The following PALS2 variants were observed in gnomAD, a reference collection of about 807,000 sequenced individuals.
The protein encoded by PALS2 is protein PALS2.
In PALS2, 27 loss-of-function variants were observed where a neutral mutation model predicts 61.6. The observed-to-expected ratio is 0.44, with a 90% confidence interval of 0.32 to 0.60. The LOEUF (loss-of-function observed/expected upper bound fraction) is 0.60. Ranked by LOEUF, PALS2 falls within the 20% of genes least tolerant of loss-of-function variation. PALS2 has a pLI of 0.05. For missense variants in PALS2, 554 were observed against 639.4 expected (o/e 0.87, Z 1.44); for synonymous variants, 236 against 218.6 (o/e 1.08, Z -0.70).
chr7:24,645,973 C>G (rs1785809931), intron 3 of PALS2, among the ~76,000 whole-genome samples: 1 of 152,028 alleles, frequency 6.6e-6, no homozygotes, highest in African/African-American at 2.4e-5. Flanking sequence ...ATTTTGTATC[C>G]TGCAAAATTT....
chr7:24,600,672 C>G (rs535698075), intron 1 of PALS2, among the ~76,000 whole-genome samples: 2 of 152,106 alleles, frequency 1.3e-5, no homozygotes, highest in South Asian at 4.2e-4. Flanking sequence ...AGCCATTTAA[C>G]TATTTTTTAT....
At chr7:24,629,745 C>G (rs1272014762) in intron 2 of PALS2, among the ~76,000 whole-genome samples, 2 of 152,178 alleles carry the variant, frequency 1.3e-5, no homozygotes, top group Non-Finnish European at 2.9e-5. Context: ...CATCACTGGT[C>G]ATTAGAGAAA....
chr7:24,649,567 A>T, intron 3 of PALS2, 45 bp from the exon 4 acceptor site: 2 of 1,464,478 alleles, frequency 1.4e-6, no homozygotes, highest in South Asian at 1.6e-5. Flanking sequence ...AACAAATTTC[A>T]TCCACATATC....
At position 24,573,740 on chromosome 7, in the gene PALS2, G is replaced by T; in HGVS notation, c.-3+147G>T. The T allele has an allele frequency of 6.7e-6, 1 of 148,464 alleles. No homozygotes were observed. The highest frequency in any genetic ancestry group is 1.9e-4 in the South Asian group (1 of 5,238). The allele number at this position is 148,464 out of a possible 1,614,324, so 9.2% of individuals were successfully genotyped here. A position where few individuals can be genotyped will look rare whatever the true frequency, so the allele number is the denominator to read the frequency against. ...TCGGCACCTGGGCTTCGGCGGGCGCGGGGAAGAGGGACCGGCAGGCGGCGG... is the reference window on the plus strand; with the variant it reads ...TCGGCACCTGGGCTTCGGCGGGCGCTGGGAAGAGGGACCGGCAGGCGGCGG... On this transcript the variant is annotated intron_variant, in intron 1 of 11. Transcript: ENST00000222644. This position sits in a 1 kb window ranked among gnomAD's most constrained non-coding sequence, Gnocchi z 5.3.
intron 5 of PALS2, among the ~76,000 whole-genome samples, chr7:24,654,291 A>G (rs1444254081): frequency 1.3e-5 from 2 of 152,064 alleles, no homozygotes; most frequent in Non-Finnish European, 2.9e-5. Context: ...CCATAAGTAC[A>G]GTATGACAAA....
chr7:24,676,343 G>T (rs1787592137), intron 9 of PALS2, among the ~76,000 whole-genome samples: 2 of 151,120 alleles, frequency 1.3e-5, no homozygotes, highest in South Asian at 4.2e-4. Flanking sequence ...CACTCTGATG[G>T]TAGTTTCTTT....
At position 24,649,663 on chromosome 7, in the gene PALS2, C is replaced by A. The variant is rs1406980564; in HGVS notation, c.322C>A (p.Pro108Thr). The A allele has an allele frequency of 2.5e-6, 4 of 1,611,944 alleles. No individual in the cohort carries two copies. The highest frequency in any genetic ancestry group is 3.4e-6 in the Non-Finnish European group (4 of 1,179,034). The change falls in exon 4 of 12, where the codon CCA becomes ACA. Residue 108 changes from proline (P) to threonine (T), a missense_variant. By Grantham distance (38) the Pro-to-Thr change is conservative. Transcript: ENST00000222644. ...GGCATCAAAGTGTTATGATTCACCT[C>A]CATCAAGCCCAGAAATGAATAATTC... ...IVASKCYDSP[P>T]SSPEMNNSSI...
chr7:24,612,117 A>C (rs1784136216), intron 1 of PALS2, among the ~76,000 whole-genome samples: 1 of 151,930 alleles, frequency 6.6e-6, no homozygotes, highest in African/African-American at 2.4e-5. Flanking sequence ...GTTTCTCTTT[A>C]GCTATTCCCT....
intron 1 of PALS2, among the ~76,000 whole-genome samples, chr7:24,592,724 G>C (rs550196513): frequency 1.3e-5 from 2 of 152,184 alleles, no homozygotes; most frequent in African/African-American, 2.4e-5. Flanking sequence ...ACACTACACT[G>C]TAGATTATTA....
At chr7:24,604,219 G>GAAAAAAAAAA (rs58169190) in intron 1 of PALS2, among the ~76,000 whole-genome samples, 2 of 86,104 alleles carry the variant, frequency 2.3e-5, no homozygotes, top group African/African-American at 3.4e-5. Flanking sequence ...TTCAAGAAAA[G>GAAAAAAAAAA]AAAAAAAAAA....
At chr7:24,624,153 T>C in intron 2 of PALS2, 2 of 1,276,360 alleles carry the variant, frequency 1.6e-6, no homozygotes, top group South Asian at 2.6e-5. Flanking sequence ...TACCTACTTT[T>C]CATGTAAGTT....
intron 1 of PALS2, among the ~76,000 whole-genome samples, chr7:24,586,884 C>A (rs1783084926): frequency 6.6e-6 from 1 of 152,004 alleles, no homozygotes; most frequent in Non-Finnish European, 1.5e-5. Context: ...CCATGACAAA[C>A]CAAATGACAT....
At chr7:24,588,222 C>T (rs1783148432) in intron 1 of PALS2, among the ~76,000 whole-genome samples, 1 of 152,158 alleles carries the variant, frequency 6.6e-6, no homozygotes. Flanking sequence ...ACTTCCTTTT[C>T]TTCTAGGCTT....
chr7:24,617,889 A>G (rs1784348551), intron 1 of PALS2, among the ~76,000 whole-genome samples: 1 of 151,970 alleles, frequency 6.6e-6, no homozygotes, highest in Non-Finnish European at 1.5e-5. Flanking sequence ...CCACTGGGCT[A>G]TTTCTCAAGT....
intron 1 of PALS2, among the ~76,000 whole-genome samples, chr7:24,591,665 C>A (rs963144550): frequency 6.6e-6 from 1 of 152,230 alleles, no homozygotes; most frequent in Middle Eastern, 3.4e-3. Context: ...TTATCAAATG[C>A]TGAGCCGTGT....
chr7:24,605,180 T>C (rs1783853421), intron 1 of PALS2, among the ~76,000 whole-genome samples: 2 of 152,346 alleles, frequency 1.3e-5, no homozygotes, highest in Non-Finnish European at 2.9e-5. Flanking sequence ...TTACTATTAC[T>C]AAACTTTCAT....
intron 1 of PALS2, among the ~76,000 whole-genome samples, chr7:24,598,714 G>A (rs1213356902): frequency 1.3e-5 from 2 of 152,152 alleles, no homozygotes; most frequent in African/African-American, 4.8e-5. Flanking sequence ...GGTTTTATGT[G>A]TACACACACA....
intron 2 of PALS2, among the ~76,000 whole-genome samples, chr7:24,641,367 A>G (rs1020610423): frequency 2.0e-5 from 3 of 151,986 alleles, no homozygotes; most frequent in African/African-American, 7.2e-5. Flanking sequence ...AATAACATCT[A>G]GAGTTTGAGC....
At chr7:24,645,474 A>G (rs148821723) in intron 3 of PALS2, among the ~76,000 whole-genome samples, 10,559 of 152,168 alleles carry the variant, frequency 0.069, 450 homozygotes, top group African/African-American at 0.11. Flanking sequence ...CCACTGGTCT[A>G]TGTGCCTGTT....
Sources: gnomAD v4.1 joint callset for allele counts (sites outside exome capture counted in the v4.1 genomes callset) on GRCh38, gnomAD v4.1.1 for gene constraint, Gnocchi (gnomAD v3.1) non-coding constraint, MANE v1.5 for transcripts, NCBI Gene and HGNC (gene_info 2026-07-23, HGNC 2026-07-21) for gene names.